The following TLR8 variants were observed in gnomAD, a reference collection of about 807,000 sequenced individuals.
The protein encoded by TLR8 is toll-like receptor 8.
Under a neutral mutation model 18.5 loss-of-function variants are expected in TLR8, and 5 were observed. The observed-to-expected ratio is 0.27, with a 90% CI of 0.14 to 0.57. The LOEUF (loss-of-function observed/expected upper bound fraction) is 0.57. TLR8 is among the 20% of genes least tolerant of loss of function. TLR8 has a pLI of 0.92. For synonymous variants in TLR8, 299 were observed against 300.1 expected (o/e 1.00, Z 0.04); for missense variants, 543 against 769.8 (o/e 0.71, Z 3.49).
Position 12,921,404 on chromosome X carries a change from T to A in TLR8, c.2364T>A (p.Asp788Glu). Residue 788 changes from aspartate to glutamate, a missense_variant, in exon 2 of 2, where the codon GAT (aspartate) becomes GAA (glutamate). By Grantham distance (45) the Asp-to-Glu change is conservative. Transcript: ENST00000218032. ...TTGGAGATTTCCGAAGATGGATGGA[T>A]GAACATCTGAATGTCAAAATTCCCA... The part of the protein sequence containing the change: ...CDIGDFRRWM[D>E]EHLNVKIPRL... 8.3e-7 allele frequency: 1 copy of A among 1,211,853 alleles called. No individual in the cohort carries two copies. The highest frequency in any genetic ancestry group is 1.1e-6 in the Non-Finnish European group (1 of 895,287).
intron 1 of TLR8, among the ~76,000 whole-genome samples, chrX:12,910,093 T>G (rs770398129): frequency 3.6e-5 from 4 of 112,438 alleles, no homozygotes; most frequent in Admixed American, 9.4e-5. Context: ...AAATTTCATC[T>G]AAAGTGACAA....
intron 1 of TLR8, among the ~76,000 whole-genome samples, chrX:12,911,273 C>G (rs1484774812): frequency 3.6e-5 from 4 of 112,133 alleles, no homozygotes; most frequent in Non-Finnish European, 7.5e-5. Context: ...TCTCACAGTT[C>G]TGGAAACCAC....
Position 12,921,213 on chromosome X carries a change from T to C in TLR8, c.2173T>C (p.Ser725Pro), listed in dbSNP as rs1480538295. Residue 725 changes from serine (S) to proline (P), a missense_variant, in exon 2 of 2, where the codon TCC becomes CCC. Around this residue, in one of 4 missense-constraint regions of TLR8, gnomAD observed 227 missense variants for 312.9 expected, o/e 0.73. Coordinates refer to ENST00000218032, the MANE Select transcript of TLR8 (RefSeq NM_138636.5). ...ACTGCTGCTGAGTCATAACAGGATT[T>C]CCCACCTACCCTCTGGCTTTCTTTC... ...RTLLLSHNRISHLPSGFLSEV... is the reference protein window; with the variant it reads ...RTLLLSHNRIPHLPSGFLSEV... 5.0e-6 allele frequency: 6 copies of C among 1,212,055 alleles called. No homozygotes were observed. The highest frequency in any genetic ancestry group is 6.7e-6 in the Non-Finnish European group (6 of 895,622).
In TLR8 at chrX:12,921,238, C is replaced by A; in HGVS notation, c.2198C>A (p.Ser733Tyr). Residue 733 changes from serine (S) to tyrosine (Y), a missense_variant, in exon 2 of 2, where the codon TCT (serine) becomes TAT (tyrosine). By Grantham distance (144) the Ser-to-Tyr change is moderately radical. Around this residue, in one of 4 missense-constraint regions of TLR8, gnomAD observed 227 missense variants for 312.9 expected, o/e 0.73. Transcript: ENST00000218032. ...RISHLPSGFL[S>Y]EVSSLKHLDL... The stretch of plus-strand genomic sequence containing the variant: ...TCCCACCTACCCTCTGGCTTTCTTT[C>A]TGAAGTCAGTAGTCTGAAGCACCTC... 8.3e-7 allele frequency: 1 copy of A among 1,211,757 alleles called. No homozygotes were observed. The highest frequency in any genetic ancestry group is 1.8e-5 in the South Asian group (1 of 56,989).
At chrX:12,912,669 G>A (rs1218369769) in intron 1 of TLR8, among the ~76,000 whole-genome samples, 1 of 113,118 alleles carries the variant, frequency 8.8e-6, no homozygotes, top group East Asian at 2.7e-4. Context: ...GTCGACTCAT[G>A]TTTCTTACTT....
chrX:12,914,724 T>C (rs750804491), intron 1 of TLR8, among the ~76,000 whole-genome samples: 1 of 111,655 alleles, frequency 9.0e-6, no homozygotes, highest in Non-Finnish European at 1.9e-5. Flanking sequence ...ACCACCCTAG[T>C]TCAAACTCCC....
intron 1 of TLR8, among the ~76,000 whole-genome samples, chrX:12,911,723 C>T (rs916009231): frequency 8.9e-6 from 1 of 112,636 alleles, no homozygotes; most frequent in African/African-American, 3.2e-5. Context: ...CAATCTAATA[C>T]TTATCTTATT....
rs911624364 is a variant in TLR8, at chrX:12,907,683, C to T, written c.3+974C>T. Among the ~76,000 whole-genome samples, 4 of 110,741 alleles carry T rather than the reference C, an allele frequency of 3.6e-5. 1 individual carries two copies. On this transcript the variant is annotated intron_variant, in intron 1 of 1. Coordinates refer to ENST00000218032, the MANE Select transcript of TLR8 (RefSeq NM_138636.5). Reference sequence around the variant, plus strand: ...CTGGGACTACAGGTGTGTGCCACCACGCCTGGCTAATTTTTGTATTTTTAG... The same window carrying T: ...CTGGGACTACAGGTGTGTGCCACCATGCCTGGCTAATTTTTGTATTTTTAG...
chrX:12,906,651 G>A lies in TLR8; in HGVS notation c.-56G>A. The A allele has an allele frequency of 9.5e-7, 1 of 1,051,821 alleles. No homozygotes were observed. The highest frequency in any genetic ancestry group is 1.2e-6 in the Non-Finnish European group (1 of 813,228). The allele number at this position is 1,051,821 out of a possible 1,213,427, so 86.7% of individuals were successfully genotyped here. On this transcript the variant is annotated 5_prime_UTR_variant, in exon 1 of 2. Coordinates refer to ENST00000218032, the MANE Select transcript of TLR8 (RefSeq NM_138636.5). ...TCTTCTCGGCCACCTCCTGCATAGA[G>A]GGTACCATTCTGCGCTGCTGCAAGT...
At chrX:12,916,506 GC>G (rs2147256979) in intron 1 of TLR8, among the ~76,000 whole-genome samples, 1 of 112,029 alleles carries the variant, frequency 8.9e-6, no homozygotes, top group Admixed American at 9.4e-5. Context: ...GAGCCCCGTT[GC>G]CCCTTCCTTT....
At chrX:12,914,058 AT>A in intron 1 of TLR8, among the ~76,000 whole-genome samples, 1 of 112,103 alleles carries the variant, frequency 8.9e-6, no homozygotes, top group African/African-American at 3.2e-5. Flanking sequence ...ATACTAACAT[AT>A]TGATGAAACA....
chrX:12,921,715 C>T lies in TLR8; in HGVS notation c.2675C>T (p.Ser892Phe). 1 of 1,211,262 alleles carries T rather than the reference C, an allele frequency of 8.3e-7. No homozygotes were observed. The highest frequency in any genetic ancestry group is 1.8e-5 in the South Asian group (1 of 56,942). ...AYISYDTKDA[S>F]VTDWVINELR... ...ATTTCTTATGACACCAAAGATGCCTCTGTTACTGACTGGGTGATAAATGAG... is the reference window on the plus strand; with the variant it reads ...ATTTCTTATGACACCAAAGATGCCTTTGTTACTGACTGGGTGATAAATGAG... Residue 892 changes from serine (S) to phenylalanine (F), a missense_variant, in exon 2 of 2, where the codon TCT (serine) becomes TTT (phenylalanine). By Grantham distance (155) the Ser-to-Phe change is radical (BLOSUM62 -2). Around this residue, in one of 4 missense-constraint regions of TLR8, gnomAD observed 227 missense variants for 312.9 expected, o/e 0.73. Transcript: ENST00000218032.
chrX:12,912,690 T>C (rs1254751843), intron 1 of TLR8, among the ~76,000 whole-genome samples: 1 of 113,110 alleles, frequency 8.8e-6, no homozygotes, highest in Non-Finnish European at 1.9e-5. Context: ...CAGTACTTTT[T>C]TGGGAGGGCA....
chrX:12,910,020 C>T (rs1036492586), intron 1 of TLR8, among the ~76,000 whole-genome samples: 1 of 111,894 alleles, frequency 8.9e-6, no homozygotes, highest in South Asian at 3.7e-4. Context: ...TTTTGTCTTC[C>T]AAAGCTGTTA....
At chrX:12,915,755 A>AT (rs2043050472) in intron 1 of TLR8, among the ~76,000 whole-genome samples, 1 of 112,274 alleles carries the variant, frequency 8.9e-6, no homozygotes, top group South Asian at 3.6e-4. Context: ...AGCCTGGGAA[A>AT]CTCACGGGAA....
intron 1 of TLR8, among the ~76,000 whole-genome samples, chrX:12,913,928 A>G (rs1256344328): frequency 8.9e-6 from 1 of 112,400 alleles, no homozygotes; most frequent in Non-Finnish European, 1.9e-5. Context: ...TTTAAGAGCA[A>G]TTTATGTTTC....
intron 1 of TLR8, among the ~76,000 whole-genome samples, chrX:12,916,792 C>T (rs1195346915): frequency 9.0e-6 from 1 of 111,534 alleles, no homozygotes; most frequent in Non-Finnish European, 1.9e-5. Flanking sequence ...CATCTGGAGG[C>T]TCTGAGTAAA....
intron 1 of TLR8, chrX:12,910,479 C>A: frequency 8.6e-7 from 1 of 1,156,528 alleles, no homozygotes; most frequent in Non-Finnish European, 1.2e-6. Flanking sequence ...CAGCTTTACG[C>A]CCCTCCCAGA....
rs762550587 is a variant in TLR8 at position 12,920,386 on chromosome X, G to A, written c.1346G>A (p.Arg449His). The A allele has an allele frequency of 1.4e-5, 17 of 1,209,574 alleles. No homozygotes were observed. Among genetic ancestry groups the A allele is most frequent in the East Asian group, 3.0e-5 (1 of 33,838 alleles). Residue 449 changes from arginine to histidine, a missense_variant, in exon 2 of 2, where the codon CGT (arginine) becomes CAT (histidine). Coordinates refer to ENST00000218032, the MANE Select transcript of TLR8 (RefSeq NM_138636.5). ...QSYANSSSFQ[R>H]HIRKRRSTDF... is the part of the protein sequence containing the mutation. ...TATGCAAATAGTTCCTCTTTTCAACGTCATATCCGGAAACGACGCTCAACA... is the reference window on the plus strand; with the variant it reads ...TATGCAAATAGTTCCTCTTTTCAACATCATATCCGGAAACGACGCTCAACA...
Sources: allele counts gnomAD v4.1 joint callset (sites outside exome capture counted in the v4.1 genomes callset), GRCh38; gene constraint gnomAD v4.1.1; regional missense constraint gnomAD v4.1.1; transcripts MANE v1.5; gene names NCBI Gene and HGNC (gene_info 2026-07-23, HGNC 2026-07-21).